The following HS6ST3 variants were observed in gnomAD, a reference collection of about 807,000 sequenced individuals.
HS6ST3 encodes the protein heparan sulfate 6-O-sulfotransferase 3.
Under a neutral mutation model 36.7 loss-of-function variants are expected in HS6ST3, and 12 were observed. The ratio of observed to expected loss-of-function variants is 0.33; its 90% CI spans 0.21 to 0.53. The LOEUF (loss-of-function observed/expected upper bound fraction) is 0.53, where lower values mean the gene tolerates loss of function less well. Among genes scored for constraint, HS6ST3 ranks in the 20% least tolerant of loss-of-function variants. HS6ST3 has a pLI of 0.95. For missense variants in HS6ST3, 584 were observed against 640.9 expected, an observed-to-expected ratio of 0.91 and a Z score of 0.96; for synonymous variants, 240 against 257.5, an observed-to-expected ratio of 0.93 and a Z score of 0.65.
intron 1 of HS6ST3, among the ~76,000 whole-genome samples, chr13:96,465,652 A>C (rs1038872978): frequency 6.6e-6 from 1 of 152,150 alleles, no homozygotes; most frequent in Non-Finnish European, 1.5e-5. Flanking sequence ...TGGATGGAGC[A>C]AAAAAGAGAG....
At chr13:96,336,364 G>A (rs543181027) in intron 1 of HS6ST3, among the ~76,000 whole-genome samples, 28 of 152,234 alleles carry the variant, frequency 1.8e-4, no homozygotes, top group Admixed American at 1.3e-3. Flanking sequence ...TGGTTGTCAT[G>A]GGCTGAATTA....
chr13:96,319,577 C>G (rs1253948616), intron 1 of HS6ST3, among the ~76,000 whole-genome samples: 1 of 152,072 alleles, frequency 6.6e-6, no homozygotes, highest in Non-Finnish European at 1.5e-5. Context: ...AAGACTTTTC[C>G]CCAAAGTGGC....
intron 1 of HS6ST3, among the ~76,000 whole-genome samples, chr13:96,592,433 G>C (rs983631569): frequency 2.0e-5 from 3 of 152,064 alleles, no homozygotes; most frequent in Non-Finnish European, 4.4e-5. Context: ...TTCTACTTAA[G>C]AAAAGGATAG....
At chr13:96,586,886 T>G (rs1355593353) in intron 1 of HS6ST3, among the ~76,000 whole-genome samples, 1 of 152,206 alleles carries the variant, frequency 6.6e-6, no homozygotes, top group Non-Finnish European at 1.5e-5. Flanking sequence ...CAGACCAGTG[T>G]CATAGAACTT....
At chr13:96,436,467 G>T (rs61967672) in intron 1 of HS6ST3, among the ~76,000 whole-genome samples, 3 of 152,028 alleles carry the variant, frequency 2.0e-5, no homozygotes, top group Non-Finnish European at 2.9e-5. Context: ...CAAACACACC[G>T]ATGTTATTGG....
chr13:96,530,910 T>A (rs2056132795), intron 1 of HS6ST3, among the ~76,000 whole-genome samples: 1 of 152,216 alleles, frequency 6.6e-6, no homozygotes, highest in African/African-American at 2.4e-5. Flanking sequence ...CAGATTTTGA[T>A]TTAGTGTATC....
Position 96,526,799 on chromosome 13 carries a change from G to T in HS6ST3, c.708-305691G>T, listed in dbSNP as rs543881040. Among the ~76,000 whole-genome samples the T allele has an allele frequency of 1.9e-3, 285 of 152,192 alleles. 1 individual carries two copies. The highest frequency in any genetic ancestry group is 3.5e-3 in the Non-Finnish European group (235 of 68,000). ...TTTCTTCCCCACCTTTGGTTAAATT[G>T]TGCTTTCCAGGACAATAGCCACTAG... On this transcript the variant is annotated intron_variant, in intron 1 of 1. Coordinates refer to ENST00000376705, the MANE Select transcript of HS6ST3 (RefSeq NM_153456.4).
intron 1 of HS6ST3, among the ~76,000 whole-genome samples, chr13:96,724,114 C>G (rs1157655058): frequency 1.3e-5 from 2 of 152,156 alleles, no homozygotes; most frequent in Admixed American, 1.3e-4. Context: ...TCTTTCACAA[C>G]ACTCTGGAGA....
At chr13:96,347,866 CTTTCATTCCAGAGCACT>C (rs1230479117) in intron 1 of HS6ST3, among the ~76,000 whole-genome samples, 1 of 152,196 alleles carries the variant, frequency 6.6e-6, no homozygotes, top group Non-Finnish European at 1.5e-5. Context: ...CCGCTCTGTG[CTTTCATTCCAGAGCACT>C]TCTACTGTAG....
rs115525589 is a variant in HS6ST3 at position 96,271,282 on chromosome 13, G to A, written c.707+179713G>A. Among the ~76,000 whole-genome samples the A allele has an allele frequency of 9.9e-3, 1,506 of 151,904 alleles. 43 individuals are homozygous for A. Among genetic ancestry groups the A allele is most frequent in the African/African-American group, 0.035 (1,448 of 41,314 alleles). On this transcript the variant is annotated intron_variant, in intron 1 of 1. Transcript: ENST00000376705. ...AATATGTGTGTGAAGAATCCCAAGA[G>A]CACAGAAATAGTAAAATAGGAAGTG... is the stretch of plus-strand genomic sequence containing the variant.
At chr13:96,479,751 A>AT (rs1220543014) in intron 1 of HS6ST3, among the ~76,000 whole-genome samples, 3 of 152,094 alleles carry the variant, frequency 2.0e-5, no homozygotes, top group South Asian at 2.1e-4. Context: ...ACAAAAGCTT[A>AT]TTTTTTTCTT....
At chr13:96,403,398 T>A (rs2055461526) in intron 1 of HS6ST3, among the ~76,000 whole-genome samples, 1 of 152,204 alleles carries the variant, frequency 6.6e-6, no homozygotes, top group South Asian at 2.1e-4. Context: ...TGCCAGTACC[T>A]TGGTTTCAGA....
intron 1 of HS6ST3, among the ~76,000 whole-genome samples, chr13:96,238,076 A>T (rs2054542902): frequency 2.0e-5 from 3 of 152,156 alleles, no homozygotes; most frequent in Non-Finnish European, 4.4e-5. Flanking sequence ...GGCACCTTGA[A>T]TTCCATCCTC....
intron 1 of HS6ST3, among the ~76,000 whole-genome samples, chr13:96,607,347 C>T (rs955885859): frequency 6.6e-6 from 1 of 152,022 alleles, no homozygotes; most frequent in African/African-American, 2.4e-5. Context: ...ATTTTATTTC[C>T]AGAAAATACA....
chr13:96,196,500 C>T (rs2054314710), intron 1 of HS6ST3, among the ~76,000 whole-genome samples: 1 of 152,174 alleles, frequency 6.6e-6, no homozygotes, highest in African/African-American at 2.4e-5. Flanking sequence ...ATTGAGTCTT[C>T]TTTTGGACAG....
chr13:96,257,572 A>G (rs1250378800), intron 1 of HS6ST3, among the ~76,000 whole-genome samples: 3 of 152,196 alleles, frequency 2.0e-5, no homozygotes, highest in African/African-American at 7.2e-5. Context: ...TAATATAATA[A>G]TAGTAGCTAC....
chr13:96,663,842 A>G (rs2056654708), intron 1 of HS6ST3, among the ~76,000 whole-genome samples: 1 of 152,228 alleles, frequency 6.6e-6, no homozygotes, highest in African/African-American at 2.4e-5. Context: ...AGTGAACCAC[A>G]AAACATTATC....
intron 1 of HS6ST3, among the ~76,000 whole-genome samples, chr13:96,666,675 CAT>C (rs1165160484): frequency 6.6e-6 from 1 of 152,114 alleles, no homozygotes. Flanking sequence ...ATAGAAGTAT[CAT>C]CATTTCCACC....
intron 1 of HS6ST3, among the ~76,000 whole-genome samples, chr13:96,214,494 T>G (rs2139359106): frequency 6.6e-6 from 1 of 152,378 alleles, no homozygotes; most frequent in South Asian, 2.1e-4. Flanking sequence ...TAAAAAGTCC[T>G]CATTAACTGT....
Sources: allele counts gnomAD v4.1 joint callset (sites outside exome capture counted in the v4.1 genomes callset), GRCh38; gene constraint gnomAD v4.1.1; transcripts MANE v1.5; gene names NCBI Gene and HGNC (gene_info 2026-07-23, HGNC 2026-07-21).